TMEM41B: variants seen among roughly 807,000 people sequenced by gnomAD.
TMEM41B encodes the protein protein stasimon.
Under a neutral mutation model 31.9 loss-of-function variants are expected in TMEM41B, and 18 were observed. The ratio of observed to expected loss-of-function variants is 0.56; its 90% CI spans 0.39 to 0.84. The LOEUF is 0.84. TMEM41B is among the 40% of genes least tolerant of loss of function. The pLI is 0.00. For synonymous variants in TMEM41B, 144 were observed against 124.3 expected (o/e 1.16, Z -1.05); for missense variants, 322 against 348.0 (o/e 0.93, Z 0.59).
chr11:9,293,531 A>G (rs536233310), intron 3 of TMEM41B, among the ~76,000 whole-genome samples: 1 of 152,292 alleles, frequency 6.6e-6, no homozygotes, highest in South Asian at 2.1e-4. Flanking sequence ...TTATCTGTAT[A>G]TTGTGAGTTA....
At chr11:9,285,975 CGTG>C (rs1312261967) in intron 6 of TMEM41B, among the ~76,000 whole-genome samples, 1 of 151,812 alleles carries the variant, frequency 6.6e-6, no homozygotes, top group Non-Finnish European at 1.5e-5. Flanking sequence ...ATTAGCCAGA[CGTG>C]GTGGCGTGTG....
intron 2 of TMEM41B, among the ~76,000 whole-genome samples, chr11:9,295,767 C>T (rs1853070515): frequency 6.6e-6 from 1 of 151,588 alleles, no homozygotes; most frequent in Non-Finnish European, 1.5e-5. Context: ...CTCCTGTGCT[C>T]AAATGATCCT....
At position 9,295,674 on chromosome 11, in the gene TMEM41B, A is replaced by G. The variant is rs1469948420; in HGVS notation, c.240-287T>C. Among the ~76,000 whole-genome samples, 3 of 152,178 alleles carry G rather than the reference A, an allele frequency of 2.0e-5. No homozygotes were observed. In the East Asian group the frequency reaches 5.8e-4, roughly 29 times the overall value. On this transcript the variant is annotated intron_variant, in intron 2 of 6. Coordinates refer to ENST00000528080, the MANE Select transcript of TMEM41B (RefSeq NM_015012.4). Reference sequence around the variant, plus strand: ...CTCAGCCTTCTGAGAAGCTGGGATCACAGGCGTGCACCACCATGCCCAGCT... The same window carrying G: ...CTCAGCCTTCTGAGAAGCTGGGATCGCAGGCGTGCACCACCATGCCCAGCT...
At chr11:9,299,348 G>C (rs72850517) in intron 2 of TMEM41B, among the ~76,000 whole-genome samples, 23,037 of 87,520 alleles carry the variant, frequency 0.26, 2,413 homozygotes, top group East Asian at 0.47. Flanking sequence ...ACACACACGT[G>C]TGTGTATATA....
At chr11:9,314,145 G>A (rs945129364) in intron 1 of TMEM41B, among the ~76,000 whole-genome samples, 176 bp downstream of exon 1, 5 of 152,118 alleles carry the variant, frequency 3.3e-5, no homozygotes, top group Admixed American at 2.6e-4. Flanking sequence ...CTCGGCGTCC[G>A]GCCTTGTGCT....
In TMEM41B at chr11:9,288,428, T is replaced by A; in HGVS notation, c.462+14A>T. 6.5e-7 allele frequency: 1 copy of A among 1,544,744 alleles called. No homozygotes were observed. Among genetic ancestry groups the A allele is most frequent in the Non-Finnish European group, 8.8e-7 (1 of 1,142,656 alleles). On this transcript the variant is annotated intron_variant, in intron 4 of 6. Transcript: ENST00000528080. ...TGTTTTTTCAGTCTCCCAATTTTAT[T>A]TTTTCATACTTACCAAACAAACAAG...
chr11:9,301,350 G>A (rs1243765173), intron 1 of TMEM41B, among the ~76,000 whole-genome samples: 2 of 152,080 alleles, frequency 1.3e-5, no homozygotes, highest in African/African-American at 4.8e-5. Flanking sequence ...AGCCAAGATC[G>A]CACCACTGCA....
At chr11:9,310,332 C>G (rs1159948708) in intron 1 of TMEM41B, among the ~76,000 whole-genome samples, 2 of 151,938 alleles carry the variant, frequency 1.3e-5, no homozygotes, top group Non-Finnish European at 2.9e-5. Context: ...CCATGTCAGC[C>G]TAAGTAATGT....
chr11:9,301,647 C>T (rs1853262828), intron 1 of TMEM41B, among the ~76,000 whole-genome samples: 1 of 152,168 alleles, frequency 6.6e-6, no homozygotes, highest in African/African-American at 2.4e-5. Context: ...TAACATTCTA[C>T]CCTCCCAAAC....
chr11:9,313,344 CT>C lies in TMEM41B; in HGVS notation c.121+976del, dbSNP rs1853608545. 2.0e-5 allele frequency among the ~76,000 whole-genome samples: 3 copies of C among 152,340 alleles called. No homozygotes were observed. The South Asian group carries it at 6.2e-4, about 32-fold the overall frequency. The stretch of plus-strand genomic sequence containing the variant: ...TTTGAAAATACATTAACATTTTCTA[CT>C]ACATACTCTTAGAAGTTCTCCTAGC... On this transcript the variant is annotated intron_variant, in intron 1 of 6. Transcript: ENST00000528080.
intron 1 of TMEM41B, among the ~76,000 whole-genome samples, chr11:9,305,410 C>T (rs967414085): frequency 6.6e-6 from 1 of 152,042 alleles, no homozygotes; most frequent in Non-Finnish European, 1.5e-5. Context: ...ACCAGCCTAG[C>T]CAACATAGTG....
At chr11:9,311,652 G>T in intron 1 of TMEM41B, 1 of 859,288 alleles carries the variant, frequency 1.2e-6, no homozygotes, top group South Asian at 1.4e-5. Context: ...GGGTGGATAT[G>T]GATTTGGCCC....
Position 9,283,422 on chromosome 11 carries a change from T to G in TMEM41B, c.*2A>C. 1 of 1,604,276 alleles carries G rather than the reference T, an allele frequency of 6.2e-7. No homozygotes were observed. The highest frequency in any genetic ancestry group is 8.5e-7 in the Non-Finnish European group (1 of 1,175,834). On this transcript the variant is annotated 3_prime_UTR_variant, in exon 7 of 7. Transcript: ENST00000528080. Reference sequence around the variant, plus strand: ...GCAAAACTAAAAATCAGATGATTATTTTTACTCAAATTTCTGCTTTAGTTT... The same window carrying G: ...GCAAAACTAAAAATCAGATGATTATGTTTACTCAAATTTCTGCTTTAGTTT...
In TMEM41B at chr11:9,295,310, T is replaced by C. The variant is rs146853482; in HGVS notation, c.317A>G (p.Lys106Arg). Reference protein sequence around the residue: ...KALGKVLSKYKDTFYVQVLVA... With the variant: ...KALGKVLSKYRDTFYVQVLVA... Reference sequence around the variant, plus strand: ...AAGTACTTGAACATAAAAGGTGTCCTTGTATTTGGATAAAACTTTTCCTAG... The same window carrying C: ...AAGTACTTGAACATAAAAGGTGTCCCTGTATTTGGATAAAACTTTTCCTAG... The change falls in exon 3 of 7, where the codon AAG becomes AGG. Residue 106 changes from lysine (K) to arginine (R), a missense_variant. Transcript: ENST00000528080. 1.8e-5 allele frequency: 28 copies of C among 1,596,800 alleles called. No individual in the cohort carries two copies. The highest frequency in any genetic ancestry group is 2.7e-5 in the African/African-American group (2 of 74,686).
intron 1 of TMEM41B, among the ~76,000 whole-genome samples, chr11:9,307,448 C>CAT (rs1853427994): frequency 6.8e-6 from 1 of 147,076 alleles, no homozygotes; most frequent in South Asian, 2.1e-4. Context: ...AAAATAAAAT[C>CAT]TTTTTTTTTT....
rs1853051787 is a variant in TMEM41B, at chr11:9,295,114, T to C, written c.368+145A>G. On this transcript the variant is annotated intron_variant, in intron 3 of 6. Transcript: ENST00000528080. ...AATAGGATTAAAGTGATAATTTTTTTCCATTTTAATTTTTCAATTATTTAA... is the reference window on the plus strand; with the variant it reads ...AATAGGATTAAAGTGATAATTTTTTCCCATTTTAATTTTTCAATTATTTAA... 13 of 1,040,214 alleles carry C rather than the reference T, an allele frequency of 1.2e-5. No homozygotes were observed. In the South Asian group the frequency reaches 3.7e-4, roughly 29 times the overall value. The allele number at this position is 1,040,214 out of a possible 1,614,324, so 64.4% of individuals were successfully genotyped here.
At chr11:9,298,776 A>G (rs1590381075) in intron 2 of TMEM41B, among the ~76,000 whole-genome samples, 1 of 9,712 alleles carries the variant, frequency 1.0e-4, no homozygotes, top group Non-Finnish European at 3.9e-4. Context: ...TCAAATGAAG[A>G]AAAAAAAAAA....
Position 9,295,356 on chromosome 11 carries a change from C to T in TMEM41B, c.271G>A (p.Asp91Asn). The change falls in exon 3 of 7, where the codon GAT (aspartate) becomes AAT (asparagine). Residue 91 changes from aspartate to asparagine, a missense_variant. Asp to Asn is a conservative substitution (Grantham distance 23). Around this residue, in one of 3 missense-constraint regions of TMEM41B, gnomAD observed 183 missense variants for 175.3 expected, o/e 1.04. Transcript: ENST00000528080. The stretch of plus-strand genomic sequence containing the variant: ...CCTAGAGCCTTGGCATCATCCATAT[C>T]TCTGGGAACCTTCATATTCACTCTT... ...EERVNMKVPR[D>N]MDDAKALGKV... 1 of 1,591,788 alleles carries T rather than the reference C, an allele frequency of 6.3e-7. No individual in the cohort carries two copies. Among genetic ancestry groups the T allele is most frequent in the Non-Finnish European group, 8.5e-7 (1 of 1,170,452 alleles).
chr11:9,306,596 A>G (rs4372456), intron 1 of TMEM41B, among the ~76,000 whole-genome samples: 146,053 of 152,112 alleles, frequency 0.96, 70,404 homozygotes, highest in East Asian at 1. Context: ...TGAGGCAGGA[A>G]ATCGGCATTA....
Sources: allele counts gnomAD v4.1 joint callset (sites outside exome capture counted in the v4.1 genomes callset), GRCh38; gene constraint gnomAD v4.1.1; regional missense constraint gnomAD v4.1.1; transcripts MANE v1.5; gene names NCBI Gene and HGNC (gene_info 2026-07-23, HGNC 2026-07-21).